ERBB4: variants seen among roughly 807,000 people sequenced by gnomAD.
ERBB4 encodes receptor tyrosine-protein kinase erbB-4.
Under a neutral mutation model 158.0 loss-of-function variants are expected in ERBB4, and 42 were observed. The ratio of observed to expected loss-of-function variants is 0.27; its 90% CI spans 0.21 to 0.34. The LOEUF is 0.34. Ranked by LOEUF, ERBB4 falls within the 10% of genes least tolerant of loss-of-function variation. The probability of loss-of-function intolerance (pLI) is 1.00; values close to 1 mark genes in which losing one functional copy is unlikely to be tolerated. For synonymous variants in ERBB4, 583 were observed against 558.7 expected, an observed-to-expected ratio of 1.04 and a Z score of -0.61; for missense variants, 1,333 against 1,624.1, an observed-to-expected ratio of 0.82 and a Z score of 3.08.
chr2:212,490,590 A>C (rs542133286), intron 1 of ERBB4, among the ~76,000 whole-genome samples: 1 of 151,956 alleles, frequency 6.6e-6, no homozygotes, highest in South Asian at 2.1e-4. Context: ...TGAATTTTTG[A>C]ATAAATTATA....
At chr2:212,502,028 G>T (rs1690920874) in intron 1 of ERBB4, among the ~76,000 whole-genome samples, 1 of 151,874 alleles carries the variant, frequency 6.6e-6, no homozygotes, top group Non-Finnish European at 1.5e-5. Flanking sequence ...ACAAAAACAA[G>T]TAGTATAAAA....
intron 1 of ERBB4, among the ~76,000 whole-genome samples, chr2:212,221,315 A>T (rs1012973790): frequency 6.6e-6 from 1 of 151,578 alleles, no homozygotes; most frequent in Admixed American, 6.6e-5. Flanking sequence ...TCATCAATAT[A>T]CATTGTATTT....
intron 15 of ERBB4, among the ~76,000 whole-genome samples, chr2:211,660,818 C>T (rs565833562): frequency 6.6e-6 from 1 of 152,188 alleles, no homozygotes; most frequent in East Asian, 1.9e-4. Context: ...GTTCTTTGTG[C>T]CAGAAGCATG....
intron 1 of ERBB4, among the ~76,000 whole-genome samples, chr2:212,452,861 T>C (rs995148966): frequency 1.3e-5 from 2 of 152,168 alleles, no homozygotes; most frequent in Non-Finnish European, 2.9e-5. Context: ...TTTTAAGACA[T>C]ACTACAATTA....
chr2:212,451,489 G>A (rs575112541), intron 1 of ERBB4, among the ~76,000 whole-genome samples: 5 of 152,256 alleles, frequency 3.3e-5, no homozygotes, highest in African/African-American at 1.2e-4. Flanking sequence ...GTCCTCATAT[G>A]TTTTGATGCA....
chr2:211,652,809 G>C (rs1265304569), intron 16 of ERBB4, among the ~76,000 whole-genome samples: 3 of 152,170 alleles, frequency 2.0e-5, no homozygotes, highest in Admixed American at 2.0e-4. Flanking sequence ...ATATCTAGCT[G>C]TTTTAATGAT....
At position 211,702,019 on chromosome 2, in the gene ERBB4, G is replaced by A. The variant is rs1210232383; in HGVS notation, c.1437C>T (p.Ser479=). 3.7e-6 allele frequency: 6 copies of A among 1,613,946 alleles called. No individual in the cohort carries two copies. The highest frequency in any genetic ancestry group is 5.1e-6 in the Non-Finnish European group (6 of 1,179,856). The change falls in exon 12 of 28, where the codon AGC becomes AGT. Residue 479 remains serine, a synonymous_variant. Transcript: ENST00000342788. ...YHTINWTTLF[S]TINQRIVIRD... ...GGATTACTATTCTCTGGTTGATTGT[G>A]CTGAAGAGTGTTGTCCAGTTAATGG...
At chr2:211,487,034 A>C (rs554172647) in intron 20 of ERBB4, among the ~76,000 whole-genome samples, 2 of 151,742 alleles carry the variant, frequency 1.3e-5, no homozygotes, top group African/African-American at 4.8e-5. Context: ...TTTAGGGTAC[A>C]TGTGCACAAC....
At chr2:211,977,082 C>T (rs1435377898) in intron 2 of ERBB4, among the ~76,000 whole-genome samples, 3 of 152,062 alleles carry the variant, frequency 2.0e-5, no homozygotes, top group East Asian at 3.9e-4. Flanking sequence ...AGGTATATTC[C>T]TTACAAAACC....
intron 19 of ERBB4, among the ~76,000 whole-genome samples, chr2:211,579,396 C>A (rs1275924633): frequency 2.6e-5 from 4 of 152,196 alleles, no homozygotes; most frequent in African/African-American, 9.6e-5. Context: ...GTGGCAAATC[C>A]TCAAAGATGT....
chr2:212,053,571 T>C (rs771618841), intron 2 of ERBB4, among the ~76,000 whole-genome samples: 2 of 152,204 alleles, frequency 1.3e-5, no homozygotes, highest in African/African-American at 2.4e-5. Context: ...GCCTCCATGA[T>C]TGTGTGACTT....
intron 1 of ERBB4, among the ~76,000 whole-genome samples, chr2:212,409,949 T>C (rs2091450714): frequency 6.6e-6 from 1 of 151,906 alleles, no homozygotes; most frequent in Non-Finnish European, 1.5e-5. Context: ...ATTCTAGTTA[T>C]TAACATAAAC....
At chr2:212,018,407 A>G (rs1377818697) in intron 2 of ERBB4, among the ~76,000 whole-genome samples, 1 of 152,198 alleles carries the variant, frequency 6.6e-6, no homozygotes, top group East Asian at 1.9e-4. Flanking sequence ...ATATTGAGTC[A>G]CTTACCAAAT....
intron 4 of ERBB4, among the ~76,000 whole-genome samples, chr2:211,784,925 C>A (rs1375402418): frequency 6.6e-6 from 1 of 152,006 alleles, no homozygotes; most frequent in Admixed American, 6.6e-5. Context: ...AATGTCTATA[C>A]AAATCTTTTG....
chr2:211,859,117 T>C (rs1481014521), intron 3 of ERBB4, among the ~76,000 whole-genome samples: 1 of 152,192 alleles, frequency 6.6e-6, no homozygotes, highest in Non-Finnish European at 1.5e-5. Flanking sequence ...GATAATATTG[T>C]CCTCTGCCTC....
At chr2:212,160,835 C>T (rs534243841) in intron 1 of ERBB4, among the ~76,000 whole-genome samples, 1 of 151,926 alleles carries the variant, frequency 6.6e-6, no homozygotes, top group East Asian at 1.9e-4. Flanking sequence ...GTGAGATATC[C>T]GCACAAATGT....
At chr2:211,926,495 C>T (rs1272929346) in intron 3 of ERBB4, among the ~76,000 whole-genome samples, 6 of 152,060 alleles carry the variant, frequency 3.9e-5, no homozygotes, top group Admixed American at 1.3e-4. Context: ...GACAGCAACA[C>T]ATTTTATCTC....
At chr2:211,806,549 C>T (rs1187523161) in intron 3 of ERBB4, among the ~76,000 whole-genome samples, 5 of 151,864 alleles carry the variant, frequency 3.3e-5, no homozygotes, top group Non-Finnish European at 7.4e-5. Flanking sequence ...CAGGATCCAG[C>T]CCAGGAAGTA....
chr2:211,854,937 C>T (rs1019546124), intron 3 of ERBB4, among the ~76,000 whole-genome samples: 3 of 152,232 alleles, frequency 2.0e-5, no homozygotes, highest in African/African-American at 7.2e-5. Context: ...TATTGCTACG[C>T]AGTTTCCCAA....
Sources: gnomAD v4.1 joint callset for allele counts (sites outside exome capture counted in the v4.1 genomes callset) on GRCh38, gnomAD v4.1.1 for gene constraint, MANE v1.5 for transcripts, NCBI Gene and HGNC (gene_info 2026-07-23, HGNC 2026-07-21) for gene names.